The following SH3BGRL2 variants were observed in gnomAD, a reference collection of about 807,000 sequenced individuals.
The protein encoded by SH3BGRL2 is SH3 domain-binding glutamic acid-rich-like protein 2.
SH3BGRL2 carries 21 observed loss-of-function variants against 14.8 expected under a neutral mutation model. That is an observed-to-expected ratio of 1.42 (90% CI 1.01 to 2.05). The LOEUF is 2.05. SH3BGRL2 is among the 30% of genes most tolerant of loss of function. SH3BGRL2 has a pLI of 0.00. For missense variants in SH3BGRL2, 147 were observed against 130.8 expected (o/e 1.12, Z -0.61); for synonymous variants, 50 against 47.8 (o/e 1.05, Z -0.19).
chr6:79,628,194 T>C (rs1768765092), upstream of SH3BGRL2, among the ~76,000 whole-genome samples: 1 of 152,262 alleles, frequency 6.6e-6, no homozygotes. Context: ...TATTATCATA[T>C]CAAAATTTTA....
At chr6:79,620,950 T>C in the SH3BGRL2 span, among the ~76,000 whole-genome samples, 16 of 151,984 alleles carry the variant, frequency 1.1e-4, no homozygotes, top group African/African-American at 3.6e-4. Flanking sequence ...TTAAATAGAG[T>C]TGGGGTTTCG....
At chr6:79,582,519 AAC>A in the SH3BGRL2 span, among the ~76,000 whole-genome samples, 2 of 152,232 alleles carry the variant, frequency 1.3e-5, no homozygotes, top group African/African-American at 4.8e-5. Context: ...AAACCTGACA[AAC>A]ACAAGCAATG....
chr6:79,603,200 G>T, the SH3BGRL2 span, among the ~76,000 whole-genome samples: 32 of 152,226 alleles, frequency 2.1e-4, no homozygotes, highest in African/African-American at 7.7e-4. Flanking sequence ...TTTTTTAAAA[G>T]GGTGACTCTA....
At chr6:79,557,849 A>T in the SH3BGRL2 span, among the ~76,000 whole-genome samples, 1 of 152,186 alleles carries the variant, frequency 6.6e-6, no homozygotes, top group Non-Finnish European at 1.5e-5. Context: ...TGCTCCCAGG[A>T]GAAGTTTCCT....
At chr6:79,660,676 G>C (rs537891723) in intron 1 of SH3BGRL2, among the ~76,000 whole-genome samples, 2 of 152,164 alleles carry the variant, frequency 1.3e-5, no homozygotes, top group East Asian at 1.9e-4. Flanking sequence ...GGAGGATTCC[G>C]TCTTTTTGTA....
chr6:79,567,789 A>T, the SH3BGRL2 span, among the ~76,000 whole-genome samples: 2 of 152,208 alleles, frequency 1.3e-5, no homozygotes, highest in African/African-American at 4.8e-5. Context: ...GACACCATAA[A>T]AATGTGAAAA....
chr6:79,638,022 A>T (rs1448224324), intron 1 of SH3BGRL2, among the ~76,000 whole-genome samples: 1 of 152,210 alleles, frequency 6.6e-6, no homozygotes, highest in African/African-American at 2.4e-5. Flanking sequence ...ATACATATTT[A>T]TGGGGTATCT....
the SH3BGRL2 span, among the ~76,000 whole-genome samples, chr6:79,612,972 CAG>C: frequency 6.6e-6 from 1 of 152,204 alleles, no homozygotes; most frequent in East Asian, 1.9e-4. Flanking sequence ...GAGCAGCTCT[CAG>C]AGACACTCGA....
chr6:79,692,072 A>T (rs1770230201), intron 2 of SH3BGRL2, among the ~76,000 whole-genome samples: 1 of 152,152 alleles, frequency 6.6e-6, no homozygotes, highest in South Asian at 2.1e-4. Context: ...ATGGTATCTC[A>T]TTGTGGTTTT....
intron 1 of SH3BGRL2, among the ~76,000 whole-genome samples, chr6:79,645,792 T>C (rs947156777): frequency 6.6e-6 from 1 of 152,224 alleles, no homozygotes; most frequent in African/African-American, 2.4e-5. Context: ...TGACTTCTGT[T>C]GGCATTTGAA....
the SH3BGRL2 span, among the ~76,000 whole-genome samples, chr6:79,539,604 G>A: frequency 1.3e-5 from 2 of 152,146 alleles, no homozygotes; most frequent in Admixed American, 6.5e-5. Flanking sequence ...GACTTTGATT[G>A]GCTTCTTTAT....
chr6:79,652,662 A>T (rs905187943), intron 1 of SH3BGRL2, among the ~76,000 whole-genome samples: 1 of 152,086 alleles, frequency 6.6e-6, no homozygotes, highest in Non-Finnish European at 1.5e-5. Context: ...TCAATGCCTG[A>T]AAAACCTCCA....
At chr6:79,666,811 A>G (rs922033289) in intron 1 of SH3BGRL2, among the ~76,000 whole-genome samples, 1 of 152,188 alleles carries the variant, frequency 6.6e-6, no homozygotes, top group Non-Finnish European at 1.5e-5. Flanking sequence ...CATCTACCCC[A>G]AGTCAGAATA....
intron 2 of SH3BGRL2, among the ~76,000 whole-genome samples, chr6:79,681,656 A>C (rs1184093123): frequency 2.4e-4 from 37 of 152,220 alleles, no homozygotes; most frequent in Non-Finnish European, 1.5e-5. Flanking sequence ...GCCCAAGCAC[A>C]ACTAAGTATA....
intron 1 of SH3BGRL2, among the ~76,000 whole-genome samples, chr6:79,645,566 G>A (rs1044492292): frequency 9.2e-5 from 14 of 152,078 alleles, no homozygotes; most frequent in African/African-American, 3.1e-4. Context: ...TTGTTACTGA[G>A]CTTGTATATT....
At chr6:79,564,494 G>T in the SH3BGRL2 span, among the ~76,000 whole-genome samples, 2 of 152,006 alleles carry the variant, frequency 1.3e-5, no homozygotes, top group Non-Finnish European at 2.9e-5. Context: ...TAAGAAATTT[G>T]CCCAGTTACA....
At chr6:79,684,027 C>CA (rs1203012312) in intron 2 of SH3BGRL2, among the ~76,000 whole-genome samples, 1 of 151,958 alleles carries the variant, frequency 6.6e-6, no homozygotes, top group African/African-American at 2.4e-5. Flanking sequence ...AACAAACAAA[C>CA]AAAAAAAGCA....
chr6:79,658,963 T>C (rs1364988723), intron 1 of SH3BGRL2, among the ~76,000 whole-genome samples: 2 of 152,238 alleles, frequency 1.3e-5, no homozygotes, highest in African/African-American at 2.4e-5. Context: ...TCTGTTCATA[T>C]CCTTTGCCCA....
upstream of SH3BGRL2, chr6:79,631,157 A>T: frequency 3.1e-6 from 1 of 324,380 alleles, no homozygotes; most frequent in African/African-American, 2.1e-5. Flanking sequence ...CGTGTTCGGG[A>T]TAGAAGCGCG....
Sources: allele counts gnomAD v4.1 joint callset (sites outside exome capture counted in the v4.1 genomes callset), GRCh38; gene constraint gnomAD v4.1.1; transcripts MANE v1.5; gene names NCBI Gene and HGNC (gene_info 2026-07-23, HGNC 2026-07-21).